The following ACSBG2 variants were observed in gnomAD, a reference collection of about 807,000 sequenced individuals.
ACSBG2 encodes acyl-CoA synthetase bubblegum family member 2.
ACSBG2 carries 62 observed loss-of-function variants against 74.7 expected under a neutral mutation model. That is an observed-to-expected ratio of 0.83 (90% CI 0.68 to 1.03). ACSBG2 has a LOEUF of 1.03. ACSBG2 is among the 50% of genes least tolerant of loss of function. The pLI, the probability that ACSBG2 is intolerant of heterozygous loss-of-function variation, is 0.00. For synonymous variants in ACSBG2, 309 were observed against 294.1 expected (o/e 1.05, Z -0.52); for missense variants, 730 against 817.6 (o/e 0.89, Z 1.31).
intron 7 of ACSBG2, among the ~76,000 whole-genome samples, chr19:6,170,497 A>G (rs1189105705): frequency 6.6e-6 from 1 of 152,066 alleles, no homozygotes. Context: ...TAATTTGTTT[A>G]CCCAAAAGTC....
Position 6,177,245 on chromosome 19 carries a change from G to A in ACSBG2, c.755G>A (p.Gly252Glu), listed in dbSNP as rs748914585. ...ATGTTACAGATCACGTGGATTGCAGGAGCAGTGACAAAGGACTTTAAACTG... is the reference window on the plus strand; with the variant it reads ...ATGTTACAGATCACGTGGATTGCAGAAGCAGTGACAAAGGACTTTAAACTG... ...LSHDNITWIA[G>E]AVTKDFKLTD... Residue 252 changes from glycine to glutamate, a missense_variant, in exon 8 of 15, where the codon GGA becomes GAA. Gly to Glu is a moderately conservative substitution (Grantham distance 98). Transcript: ENST00000588485. The A allele has an allele frequency of 2.7e-5, 43 of 1,614,048 alleles. No homozygotes were observed. The highest frequency in any genetic ancestry group is 3.5e-5 in the Non-Finnish European group (41 of 1,180,008).
intron 6 of ACSBG2, among the ~76,000 whole-genome samples, chr19:6,165,255 C>T (rs1368451): frequency 0.052 from 7,909 of 152,276 alleles, 294 homozygotes; most frequent in African/African-American, 0.11. Context: ...TCAGCAGCTC[C>T]TAGAGCTACA....
chr19:6,185,907 G>GC, intron 11 of ACSBG2, among the ~76,000 whole-genome samples: 1 of 152,272 alleles, frequency 6.6e-6, no homozygotes, highest in Middle Eastern at 3.4e-3. Context: ...ACCTCCTGAA[G>GC]CCCCTTTCAG....
In ACSBG2 at chr19:6,190,818, C is replaced by CAT. The variant is rs1568262345; in HGVS notation, c.*35+127_*35+128insTA. 33 of 489,214 alleles carry CAT rather than the reference C, an allele frequency of 6.7e-5. No individual in the cohort carries two copies. In the East Asian group the frequency reaches 1.2e-3, roughly 17 times the overall value. 30.3% of individuals were successfully genotyped at this position (489,214 alleles called of 1,614,324 possible). A position where few individuals can be genotyped will look rare whatever the true frequency, so the allele number is the denominator to read the frequency against. On this transcript the variant is annotated intron_variant, in intron 14 of 14. Transcript: ENST00000588485. ...ACACACATACACACATACATACACA[C>CAT]ACACACACACACACACACACACACA... is the stretch of plus-strand genomic sequence containing the variant.
chr19:6,177,129 C>A (rs868726895), intron 7 of ACSBG2, 100 bp from the exon 8 acceptor site: 4 of 1,331,742 alleles, frequency 3.0e-6, no homozygotes, highest in Middle Eastern at 2.2e-4. Context: ...CCACTGCACT[C>A]CAGTCTGGGT....
rs1012029468 is a variant in ACSBG2 at position 6,180,898 on chromosome 19, A to C, written c.907-1853A>C. Among the ~76,000 whole-genome samples the C allele has an allele frequency of 6.6e-6, 1 of 152,112 alleles. No homozygotes were observed. Among genetic ancestry groups the C allele is most frequent in the Non-Finnish European group, 1.5e-5 (1 of 68,014 alleles). On this transcript the variant is annotated intron_variant, in intron 8 of 14. Transcript: ENST00000588485. This position sits in a 1 kb window ranked among gnomAD's most constrained non-coding sequence, Gnocchi z 4.3. ...TTGCTCTTTCTGTGCTAGCATGACT[A>C]GTAAAAAGAAAAGTAAAAGCCAGGC... is the stretch of plus-strand genomic sequence containing the variant.
intron 7 of ACSBG2, among the ~76,000 whole-genome samples, chr19:6,173,386 G>C (rs1007896740): frequency 6.6e-6 from 1 of 152,166 alleles, no homozygotes; most frequent in Admixed American, 6.5e-5. Context: ...GGGCATGCCT[G>C]TGTGAACTGA....
At chr19:6,142,837 G>A (rs181293478) in intron 2 of ACSBG2, among the ~76,000 whole-genome samples, 329 of 152,178 alleles carry the variant, frequency 2.2e-3, no homozygotes, top group South Asian at 3.3e-3. Context: ...CAAGGAGAGG[G>A]AGTGCAGGCG....
intron 6 of ACSBG2, among the ~76,000 whole-genome samples, chr19:6,164,025 G>A (rs16993416): frequency 0.11 from 16,436 of 152,182 alleles, 1,691 homozygotes; most frequent in African/African-American, 0.27. Context: ...TGAGAAAGTG[G>A]ACTGTGACAT....
intron 7 of ACSBG2, among the ~76,000 whole-genome samples, chr19:6,168,692 T>C (rs555740835): frequency 1.3e-5 from 2 of 152,354 alleles, no homozygotes; most frequent in East Asian, 1.9e-4. Context: ...ATTATGAGCA[T>C]AGATCCTGGA....
chr19:6,174,737 C>T lies in ACSBG2; in HGVS notation c.739-2492C>T, dbSNP rs1027545143. On this transcript the variant is annotated intron_variant, in intron 7 of 14. Coordinates refer to ENST00000588485, the MANE Select transcript of ACSBG2 (RefSeq NM_030924.5). The surrounding 1 kb of genome is among the most constrained non-coding windows in gnomAD (Gnocchi z 4.2). ...CTGAAGTGAGACGATCCCTTGAGCC[C>T]AGGAGTTCGAGGCTGCAGTGAGCTA... Among the ~76,000 whole-genome samples, 6 of 152,136 alleles carry T rather than the reference C, an allele frequency of 3.9e-5. No individual in the cohort carries two copies. The highest frequency in any genetic ancestry group is 8.8e-5 in the Non-Finnish European group (6 of 68,018).
Position 6,161,229 on chromosome 19 carries a change from C to G in ACSBG2, c.522C>G (p.Ser174Arg), listed in dbSNP as rs754759877. Residue 174 changes from serine (S) to arginine (R), a missense_variant, in exon 6 of 15, where the codon AGC becomes AGG. Physicochemically the swap from Ser to Arg is moderately radical, Grantham distance 110. Coordinates refer to ENST00000588485, the MANE Select transcript of ACSBG2 (RefSeq NM_030924.5). ...LQKILSIPQS[S>R]LEPLKAIIQY... ...CTTTCTTTCAGATTCCACAGAGCAG[C>G]CTAGAGCCCCTAAAAGCGATCATCC... is the stretch of plus-strand genomic sequence containing the variant. 1.2e-5 allele frequency: 20 copies of G among 1,613,548 alleles called. No individual in the cohort carries two copies. The Admixed American group carries it at 2.3e-4, about 19-fold the overall frequency.
intron 3 of ACSBG2, among the ~76,000 whole-genome samples, chr19:6,149,031 C>T (rs57830242): frequency 0.016 from 2,431 of 152,092 alleles, 56 homozygotes; most frequent in African/African-American, 0.05. Flanking sequence ...CGCTTGAACC[C>T]GGGAGGCAGA....
At chr19:6,149,058 G>T (rs1432513399) in intron 3 of ACSBG2, among the ~76,000 whole-genome samples, 1 of 152,058 alleles carries the variant, frequency 6.6e-6, no homozygotes, top group Non-Finnish European at 1.5e-5. Flanking sequence ...AGTGAGCCGA[G>T]ATTGTGCCAC....
At chr19:6,190,844 C>CACAG (rs2090546262) in intron 14 of ACSBG2, 152 bp downstream of exon 14, 2 of 564,648 alleles carry the variant, frequency 3.5e-6, no homozygotes, top group African/African-American at 3.8e-5. Context: ...CACACACACA[C>CACAG]ACACACACTC....
chr19:6,138,523 G>A (rs1202661042), intron 1 of ACSBG2, among the ~76,000 whole-genome samples: 1 of 115,330 alleles, frequency 8.7e-6, no homozygotes, highest in Non-Finnish European at 1.7e-5. Flanking sequence ...GAGGAAGGAG[G>A]AAAAGGAAGG....
intron 2 of ACSBG2, among the ~76,000 whole-genome samples, chr19:6,146,904 C>T (rs2145028459): frequency 6.6e-6 from 1 of 152,170 alleles, no homozygotes; most frequent in East Asian, 1.9e-4. Context: ...TGAGATCAGC[C>T]TCGGAAACAC....
At position 6,177,875 on chromosome 19, in the gene ACSBG2, AGTGTGTGTGT is replaced by A. The variant is rs3036311; in HGVS notation, c.906+510_906+519del. On this transcript the variant is annotated intron_variant, in intron 8 of 14. Coordinates refer to ENST00000588485, the MANE Select transcript of ACSBG2 (RefSeq NM_030924.5). ...GATGTACTTGGTACTGAAAGTAAAG[AGTGTGTGTGT>A]GTGTGTGTGTGTGTGTGTGTGTGTG... 1.2e-3 allele frequency among the ~76,000 whole-genome samples: 175 copies of A among 143,486 alleles called. 1 individual carries two copies. The highest frequency in any genetic ancestry group is 5.9e-3 in the South Asian group (26 of 4,394). 94.1% of individuals were successfully genotyped at this position (143,486 alleles called of 152,430 possible).
intron 13 of ACSBG2, 91 bp from the exon 14 acceptor site, chr19:6,190,493 C>T (rs2090531510): frequency 1.8e-6 from 2 of 1,132,472 alleles, no homozygotes; most frequent in East Asian, 4.8e-5. Flanking sequence ...CAGCCTAGCC[C>T]CAGGCATGGG....
Sources: allele counts gnomAD v4.1 joint callset (sites outside exome capture counted in the v4.1 genomes callset), GRCh38; gene constraint gnomAD v4.1.1; non-coding constraint Gnocchi (gnomAD v3.1); transcripts MANE v1.5; gene names NCBI Gene and HGNC (gene_info 2026-07-23, HGNC 2026-07-21).